Variants in ITSN2 observed in about 807,000 individuals in gnomAD.
ITSN2 encodes the protein intersectin-2.
A neutral mutation model predicts 243.7 loss-of-function variants in ITSN2; 156 were observed. That is an observed-to-expected ratio of 0.64 (90% CI 0.56 to 0.73). The LOEUF is 0.73. Ranked by LOEUF, ITSN2 falls within the 30% of genes least tolerant of loss-of-function variation. The probability of loss-of-function intolerance (pLI) is 0.00; values close to 1 mark genes in which losing one functional copy is unlikely to be tolerated. For synonymous variants in ITSN2, 703 were observed against 699.9 expected, an observed-to-expected ratio of 1.00 and a Z score of -0.07; for missense variants, 1,801 against 1,996.1, an observed-to-expected ratio of 0.90 and a Z score of 1.86.
At chr2:24,359,669 G>A (rs1444241274) in intron 1 of ITSN2, among the ~76,000 whole-genome samples, 1 of 151,936 alleles carries the variant, frequency 6.6e-6, no homozygotes, top group Non-Finnish European at 1.5e-5. Flanking sequence ...AACTTTATCT[G>A]GCCTGAGAGA....
chr2:24,214,679 C>T (rs2551181), intron 32 of ITSN2, among the ~76,000 whole-genome samples: 120,170 of 152,132 alleles, frequency 0.79, 47,926 homozygotes, highest in African/African-American at 0.89. Flanking sequence ...CATTTTATTA[C>T]CTCTCTTCAA....
At chr2:24,298,915 T>A in intron 12 of ITSN2, 101 bp from the exon 13 acceptor site, 1 of 992,926 alleles carries the variant, frequency 1.0e-6, no homozygotes, top group Non-Finnish European at 1.5e-6. Flanking sequence ...GTTTAGCACT[T>A]AGTGGCTTTA....
chr2:24,324,046 C>T (rs1325768276), intron 2 of ITSN2, among the ~76,000 whole-genome samples: 1 of 152,066 alleles, frequency 6.6e-6, no homozygotes, highest in South Asian at 2.1e-4. Context: ...TCCTGGCTAA[C>T]GTGGTGAAAC....
At chr2:24,334,717 G>GTA in intron 1 of ITSN2, 5 of 1,586,094 alleles carry the variant, frequency 3.2e-6, no homozygotes, top group Non-Finnish European at 4.3e-6. Context: ...TTGTGCTAAG[G>GTA]CTTGAGTGCG....
At chr2:24,213,280 A>T (rs1300443376) in intron 32 of ITSN2, among the ~76,000 whole-genome samples, 4 of 152,296 alleles carry the variant, frequency 2.6e-5, no homozygotes, top group African/African-American at 9.6e-5. Flanking sequence ...CAGGTGATAC[A>T]GGGAGAGGCA....
rs552946662 is a variant in ITSN2 at position 24,204,955 on chromosome 2, T to C, written c.4762+259A>G. On this transcript the variant is annotated intron_variant, in intron 38 of 39. Coordinates refer to ENST00000355123, the MANE Select transcript of ITSN2 (RefSeq NM_006277.3). This position sits in a 1 kb window ranked among gnomAD's most constrained non-coding sequence, Gnocchi z 5.1. The stretch of plus-strand genomic sequence containing the variant: ...TGAGGTCAGGAGTTCGAGACCAGCC[T>C]GGCCAACATGGTGAAACCCTGTGTC... 2 of 381,524 alleles carry C rather than the reference T, an allele frequency of 5.2e-6. No homozygotes were observed. The highest frequency in any genetic ancestry group is 1.3e-4 in the East Asian group (2 of 15,394). 23.6% of individuals were successfully genotyped at this position (381,524 alleles called of 1,614,324 possible).
chr2:24,304,418 A>G (rs2151691657), intron 8 of ITSN2, among the ~76,000 whole-genome samples: 1 of 152,374 alleles, frequency 6.6e-6, no homozygotes, highest in South Asian at 2.1e-4. Context: ...AGGACTTGAT[A>G]ATCAAAGCAA....
At chr2:24,332,374 C>T (rs1190248164) in intron 1 of ITSN2, among the ~76,000 whole-genome samples, 1 of 151,742 alleles carries the variant, frequency 6.6e-6, no homozygotes, top group African/African-American at 2.4e-5. Flanking sequence ...AAAAAGAATG[C>T]CAAATAGTAG....
intron 1 of ITSN2, among the ~76,000 whole-genome samples, chr2:24,347,424 C>T (rs1315882220): frequency 2.0e-5 from 3 of 152,088 alleles, no homozygotes; most frequent in Non-Finnish European, 4.4e-5. Context: ...CTGGGGCTCA[C>T]GCCCGTAATC....
intron 37 of ITSN2, among the ~76,000 whole-genome samples, chr2:24,207,258 G>A (rs1031548653): frequency 1.2e-4 from 19 of 152,168 alleles, no homozygotes; most frequent in Middle Eastern, 6.8e-3. Context: ...CCTGTGATAC[G>A]GGGACAGGAA....
chr2:24,286,515 C>T (rs940314818), intron 15 of ITSN2, among the ~76,000 whole-genome samples, 164 bp from the exon 16 acceptor site: 7 of 152,172 alleles, frequency 4.6e-5, no homozygotes, highest in African/African-American at 9.7e-5. Flanking sequence ...ATTTCCACTT[C>T]CCAGATTATA....
intron 2 of ITSN2, among the ~76,000 whole-genome samples, chr2:24,322,777 G>C (rs191568407): frequency 1.3e-5 from 2 of 152,040 alleles, no homozygotes; most frequent in Non-Finnish European, 2.9e-5. Flanking sequence ...TTAAGAAAAG[G>C]AAAAGACAAA....
intron 1 of ITSN2, among the ~76,000 whole-genome samples, chr2:24,329,567 C>T (rs2246185): frequency 0.98 from 149,073 of 152,264 alleles, 72,972 homozygotes; most frequent in East Asian, 0.99. Flanking sequence ...GTGTCCTGCC[C>T]GTTCCATGAA....
rs1218429086 is a variant in ITSN2, at chr2:24,249,640, A to G, written c.3121-758T>C. On this transcript the variant is annotated intron_variant, in intron 25 of 39. Coordinates refer to ENST00000355123, the MANE Select transcript of ITSN2 (RefSeq NM_006277.3). This position sits in a 1 kb window ranked among gnomAD's most constrained non-coding sequence, Gnocchi z 4.4. ...GAGGTTCCATATATTCTGCTATTTAATTTTCACAATAACACTATTAAGTAA... is the reference window on the plus strand; with the variant it reads ...GAGGTTCCATATATTCTGCTATTTAGTTTTCACAATAACACTATTAAGTAA... Among the ~76,000 whole-genome samples the G allele has an allele frequency of 2.0e-5, 3 of 152,200 alleles. No homozygotes were observed. The highest frequency in any genetic ancestry group is 4.4e-5 in the Non-Finnish European group (3 of 68,040).
chr2:24,298,559 G>A, intron 13 of ITSN2, 106 bp downstream of exon 13: 3 of 1,068,836 alleles, frequency 2.8e-6, no homozygotes, highest in Non-Finnish European at 4.0e-6. Flanking sequence ...GCCTCCCAAA[G>A]TGCTAGGATA....
chr2:24,215,415 C>A (rs562195549), intron 32 of ITSN2, among the ~76,000 whole-genome samples: 3 of 151,920 alleles, frequency 2.0e-5, no homozygotes, highest in Non-Finnish European at 4.4e-5. Flanking sequence ...ACCTGTAATC[C>A]AAGCACTTTG....
chr2:24,205,672 C>T (rs778656933), intron 37 of ITSN2: 2 of 247,630 alleles, frequency 8.1e-6, no homozygotes, highest in Non-Finnish European at 1.6e-5. Context: ...CAGACAGGAG[C>T]CAGGGTAGAG....
intron 22 of ITSN2, among the ~76,000 whole-genome samples, chr2:24,260,534 A>G (rs1184851343): frequency 1.3e-5 from 2 of 152,046 alleles, no homozygotes; most frequent in East Asian, 1.9e-4. Flanking sequence ...CAAGAACAAT[A>G]TATCATGAGA....
Position 24,301,399 on chromosome 2 carries a change from G to A in ITSN2, c.996-160C>T, listed in dbSNP as rs186942978. On this transcript the variant is annotated intron_variant, in intron 10 of 39. Transcript: ENST00000355123. ...TCGTTACAAAATACAGTAGTATATG[G>A]ATATTCAAGACAGAGAAATCTGGAT... Among the ~76,000 whole-genome samples the A allele has an allele frequency of 2.1e-4, 32 of 152,262 alleles. No individual in the cohort carries two copies. In the East Asian group the frequency reaches 2.7e-3, roughly 13 times the overall value.
Sources: gnomAD v4.1 joint callset for allele counts (sites outside exome capture counted in the v4.1 genomes callset) on GRCh38, gnomAD v4.1.1 for gene constraint, Gnocchi (gnomAD v3.1) non-coding constraint, MANE v1.5 for transcripts, NCBI Gene and HGNC (gene_info 2026-07-23, HGNC 2026-07-21) for gene names.